TRPV4: variants seen among roughly 807,000 people sequenced by gnomAD.
TRPV4 encodes OSM9-like transient receptor potential channel 4.
In TRPV4, 58 loss-of-function variants were observed where a neutral mutation model predicts 84.1. The ratio of observed to expected loss-of-function variants is 0.69; its 90% CI spans 0.56 to 0.86. The LOEUF (loss-of-function observed/expected upper bound fraction) is 0.86. Ranked by LOEUF, TRPV4 falls within the 40% of genes least tolerant of loss-of-function variation. The pLI, the probability that TRPV4 is intolerant of heterozygous loss-of-function variation, is 0.00. For synonymous variants in TRPV4, 489 were observed against 500.9 expected (o/e 0.98, Z 0.32); for missense variants, 879 against 1,181.1 (o/e 0.74, Z 3.75).
intron 14 of TRPV4, 79 bp from the exon 15 acceptor site, chr12:109,784,516 AT>A: frequency 1.9e-6 from 3 of 1,604,842 alleles, no homozygotes; most frequent in East Asian, 4.5e-5. Flanking sequence ...ACACCCTCCT[AT>A]TTTTTTATTA....
chr12:109,794,591 T>A, intron 7 of TRPV4, 104 bp from the exon 8 acceptor site: 1 of 1,242,680 alleles, frequency 8.0e-7, no homozygotes, highest in Non-Finnish European at 1.2e-6. Flanking sequence ...CGGACAGCGC[T>A]TTCTCTTTCC....
At chr12:109,806,103 T>C (rs1891102072) in intron 3 of TRPV4, among the ~76,000 whole-genome samples, 1 of 152,184 alleles carries the variant, frequency 6.6e-6, no homozygotes, top group African/African-American at 2.4e-5. Flanking sequence ...AGAAGCCCCG[T>C]CCTCCCACAG....
At position 109,789,513 on chromosome 12, in the gene TRPV4, G is replaced by A. The variant is rs138528054; in HGVS notation, c.1892-797C>T. 5.0e-3 allele frequency among the ~76,000 whole-genome samples: 755 copies of A among 152,248 alleles called. 12 individuals are homozygous for A. Among genetic ancestry groups the A allele is most frequent in the African/African-American group, 0.017 (722 of 41,528 alleles). ...ATCAGTCCTGACTGTCCCCAAAGCC[G>A]TGTTCTCTAAGGGGCCTCTCCTGCT... On this transcript the variant is annotated intron_variant, in intron 12 of 15. Coordinates refer to ENST00000261740, the MANE Select transcript of TRPV4 (RefSeq NM_021625.5).
chr12:109,794,139 C>G (rs1413162072), intron 8 of TRPV4, 117 bp from the exon 9 acceptor site: 2 of 1,142,710 alleles, frequency 1.8e-6, no homozygotes, highest in African/African-American at 1.5e-5. Flanking sequence ...CTCCTTCACT[C>G]TCTTCCTCCT....
intron 12 of TRPV4, among the ~76,000 whole-genome samples, chr12:109,790,906 T>C (rs1218867073): frequency 6.6e-6 from 1 of 152,174 alleles, no homozygotes; most frequent in Non-Finnish European, 1.5e-5. Flanking sequence ...CCAAGCTAGC[T>C]GTCCAGAAAT....
chr12:109,829,979 C>G (rs1351517662), intron 1 of TRPV4, among the ~76,000 whole-genome samples: 1 of 152,208 alleles, frequency 6.6e-6, no homozygotes, highest in Middle Eastern at 3.2e-3. Flanking sequence ...CCACGTTCGG[C>G]TAATTTTTGT....
In TRPV4 at chr12:109,783,643, C is replaced by G. The variant is rs1889478214; in HGVS notation, c.2594G>C (p.Arg865Thr). Residue 865 changes from arginine to threonine, a missense_variant, in exon 16 of 16, where the codon AGG becomes ACG. Coordinates refer to ENST00000261740, the MANE Select transcript of TRPV4 (RefSeq NM_021625.5). This position sits in a 1 kb window ranked among gnomAD's most constrained non-coding sequence, Gnocchi z 4.6. ...TCCCTAGAGCGGGGCGTCATCAGTC[C>G]TCCACTTGCGGGGGTAACCCTGCTG... ...GHQQGYPRKWRTDDAPL is the reference protein window; with the variant it reads ...GHQQGYPRKWTTDDAPL 1 of 1,613,722 alleles carries G rather than the reference C, an allele frequency of 6.2e-7. No individual in the cohort carries two copies. Among genetic ancestry groups the G allele is most frequent in the Non-Finnish European group, 8.5e-7 (1 of 1,179,986 alleles).
In TRPV4 at chr12:109,783,898, C is replaced by G; in HGVS notation, c.2459-120G>C. On this transcript the variant is annotated intron_variant, in intron 15 of 15. Coordinates refer to ENST00000261740, the MANE Select transcript of TRPV4 (RefSeq NM_021625.5). This position sits in a 1 kb window ranked among gnomAD's most constrained non-coding sequence, Gnocchi z 4.6. ...GTTCTGAAGGGGGGATGTGACTATG[C>G]TCATTTTACAGAGGTGGAAACTGGG... 1 of 1,237,582 alleles carries G rather than the reference C, an allele frequency of 8.1e-7. No individual in the cohort carries two copies. Among genetic ancestry groups the G allele is most frequent in the South Asian group, 1.4e-5 (1 of 72,270 alleles). 76.7% of individuals were successfully genotyped at this position (1,237,582 alleles called of 1,614,324 possible). A position where few individuals can be genotyped will look rare whatever the true frequency, so the allele number is the denominator to read the frequency against.
Position 109,812,293 on chromosome 12 carries a change from G to A in TRPV4, c.386+2118C>T, listed in dbSNP as rs78685039. ...GCCTGGCATGGAATGCGTCATAGGG[G>A]CCACATGCTGTGGCCCCATCCAGGG... On this transcript the variant is annotated intron_variant, in intron 2 of 15. Coordinates refer to ENST00000261740, the MANE Select transcript of TRPV4 (RefSeq NM_021625.5). Among the ~76,000 whole-genome samples, 73 of 152,312 alleles carry A rather than the reference G, an allele frequency of 4.8e-4. No individual in the cohort carries two copies. In the East Asian group the frequency reaches 0.012, roughly 25 times the overall value.
intron 3 of TRPV4, among the ~76,000 whole-genome samples, chr12:109,805,177 G>A (rs181727794): frequency 5.8e-4 from 88 of 152,374 alleles, no homozygotes; most frequent in African/African-American, 2.0e-3. Flanking sequence ...GGTGATGTCT[G>A]CTTTGCTCAC....
chr12:109,814,636 G>C lies in TRPV4; in HGVS notation c.161C>G (p.Ala54Gly), dbSNP rs753813565. The part of the protein sequence containing the change: ...DGSLSPSPAD[A>G]SRPAGPGDGR... The stretch of plus-strand genomic sequence containing the variant: ...ATCGCCTGGGCCAGCAGGGCGACTG[G>C]CATCAGCCGGTGAGGGCGAAAGGGA... Residue 54 changes from alanine (A) to glycine (G), a missense_variant, in exon 2 of 16, where the codon GCC becomes GGC. Coordinates refer to ENST00000261740, the MANE Select transcript of TRPV4 (RefSeq NM_021625.5). The surrounding 1 kb of genome is among the most constrained non-coding windows in gnomAD (Gnocchi z 5.4). 4 of 1,613,846 alleles carry C rather than the reference G, an allele frequency of 2.5e-6. No individual in the cohort carries two copies. The highest frequency in any genetic ancestry group is 1.1e-5 in the South Asian group (1 of 91,066).
intron 7 of TRPV4, among the ~76,000 whole-genome samples, chr12:109,795,693 G>A (rs1005158125): frequency 6.6e-6 from 1 of 152,094 alleles, no homozygotes; most frequent in East Asian, 1.9e-4. Flanking sequence ...AGTACAGAAC[G>A]ACGTTCACAA....
At chr12:109,785,044 C>T (rs777250264) in intron 14 of TRPV4, among the ~76,000 whole-genome samples, 1 of 152,058 alleles carries the variant, frequency 6.6e-6, no homozygotes, top group Non-Finnish European at 1.5e-5. Context: ...TCTTTTGAGA[C>T]AGGGTCTCAC....
In TRPV4 at chr12:109,784,563, C is replaced by T; in HGVS notation, c.2337-126G>A. On this transcript the variant is annotated intron_variant, in intron 14 of 15. Transcript: ENST00000261740. The stretch of plus-strand genomic sequence containing the variant: ...TACATAACAAGGCTGGGCGTGGTGG[C>T]TCATGCCTGCAATCCCAGCACTTTG... 1.4e-5 allele frequency: 20 copies of T among 1,422,842 alleles called. No individual in the cohort carries two copies. In the South Asian group the frequency reaches 2.3e-4, roughly 16 times the overall value. The allele number at this position is 1,422,842 out of a possible 1,614,324, so 88.1% of individuals were successfully genotyped here. A position where few individuals can be genotyped will look rare whatever the true frequency, so the allele number is the denominator to read the frequency against.
At chr12:109,797,623 C>G (rs956300682) in intron 6 of TRPV4, among the ~76,000 whole-genome samples, 4 of 152,188 alleles carry the variant, frequency 2.6e-5, no homozygotes, top group Non-Finnish European at 1.5e-5. Flanking sequence ...CTAGCCAAAG[C>G]CAGGATTTAA....
rs527813952 is a variant in TRPV4 at position 109,793,153 on chromosome 12, C to A, written c.1659-336G>T. Among the ~76,000 whole-genome samples, 1 of 152,286 alleles carries A rather than the reference C, an allele frequency of 6.6e-6. No homozygotes were observed. Among genetic ancestry groups the A allele is most frequent in the East Asian group, 1.9e-4 (1 of 5,184 alleles). On this transcript the variant is annotated intron_variant, in intron 10 of 15. Coordinates refer to ENST00000261740, the MANE Select transcript of TRPV4 (RefSeq NM_021625.5). This position sits in a 1 kb window ranked among gnomAD's most constrained non-coding sequence, Gnocchi z 4.0. ...TAAGGGAAATGTGAAAGAGGTAACA[C>A]ACACTCAGTAACTCTCTCATTCTCT...
rs111272111 is a variant in TRPV4, at chr12:109,820,608, C to G, written c.-31-5781G>C. Among the ~76,000 whole-genome samples, 141 of 149,602 alleles carry G rather than the reference C, an allele frequency of 9.4e-4. 1 individual carries two copies. Among genetic ancestry groups the G allele is most frequent in the African/African-American group, 3.4e-3 (139 of 40,832 alleles). ...GCGCATCTCCACTCACTGCAAGCTC[C>G]GCCTCCCGGGTTCACGCCATTCTTC... On this transcript the variant is annotated intron_variant, in intron 1 of 15. Coordinates refer to ENST00000261740, the MANE Select transcript of TRPV4 (RefSeq NM_021625.5).
At position 109,798,495 on chromosome 12, in the gene TRPV4, G is replaced by T. The variant is rs1890553164; in HGVS notation, c.1152+119C>A. 2 of 1,277,228 alleles carry T rather than the reference G, an allele frequency of 1.6e-6. No homozygotes were observed. The highest frequency in any genetic ancestry group is 1.5e-5 in the African/African-American group (1 of 68,334). The allele number at this position is 1,277,228 out of a possible 1,614,324, so 79.1% of individuals were successfully genotyped here. A position where few individuals can be genotyped will look rare whatever the true frequency, so the allele number is the denominator to read the frequency against. ...TGAGCTGGGACATCTGCACACTGGG[G>T]TTGGCATGTTGGGAGGTGCATGCAC... On this transcript the variant is annotated intron_variant, in intron 6 of 15. Transcript: ENST00000261740. The surrounding 1 kb of genome is among the most constrained non-coding windows in gnomAD (Gnocchi z 5.0).
At position 109,783,482 on chromosome 12, in the gene TRPV4, T is replaced by C; in HGVS notation, c.*139A>G. 4 of 1,210,856 alleles carry C rather than the reference T, an allele frequency of 3.3e-6. No individual in the cohort carries two copies. Among genetic ancestry groups the C allele is most frequent in the East Asian group, 5.1e-5 (2 of 39,600 alleles). The allele number at this position is 1,210,856 out of a possible 1,614,324, so 75.0% of individuals were successfully genotyped here. On this transcript the variant is annotated 3_prime_UTR_variant, in exon 16 of 16. Transcript: ENST00000261740. The surrounding 1 kb of genome is among the most constrained non-coding windows in gnomAD (Gnocchi z 4.6). ...GCAGAGCCAGGGGACCACAGGGTCC[T>C]GGGGCCTCCCTGGCACCTCCACTGG...
Sources: gnomAD v4.1 joint callset for allele counts (sites outside exome capture counted in the v4.1 genomes callset) on GRCh38, gnomAD v4.1.1 for gene constraint, Gnocchi (gnomAD v3.1) non-coding constraint, MANE v1.5 for transcripts, NCBI Gene and HGNC (gene_info 2026-07-23, HGNC 2026-07-21) for gene names.